The following PDE3A variants were observed in gnomAD, a reference collection of about 807,000 sequenced individuals.
PDE3A encodes cGMP-inhibited 3',5'-cyclic phosphodiesterase 3A.
Under a neutral mutation model 98.3 loss-of-function variants are expected in PDE3A, and 43 were observed. That is an observed-to-expected ratio of 0.44 (90% confidence interval 0.34 to 0.56). PDE3A has a LOEUF of 0.56. Among genes scored for constraint, PDE3A ranks in the 20% least tolerant of loss-of-function variants. PDE3A has a pLI of 0.01. For missense variants in PDE3A, 1,427 were observed against 1,440.7 expected (o/e 0.99, Z 0.15); for synonymous variants, 663 against 567.9 (o/e 1.17, Z -2.38).
At chr12:20,371,651 T>G (rs1301291408) in intron 1 of PDE3A, among the ~76,000 whole-genome samples, 1 of 152,162 alleles carries the variant, frequency 6.6e-6, no homozygotes, top group Admixed American at 6.5e-5. Context: ...GTCTGTTTAT[T>G]TTAAAGCAAA....
In PDE3A at chr12:20,411,825, A is replaced by G. The variant is rs1376087159; in HGVS notation, c.960+41581A>G. Among the ~76,000 whole-genome samples, 3 of 152,144 alleles carry G rather than the reference A, an allele frequency of 2.0e-5. No homozygotes were observed. The South Asian group carries it at 6.2e-4, about 32-fold the overall frequency. Reference sequence around the variant, plus strand: ...GTCCCCGACGTAGTCTATCCCTTCAATGTAATTTCCGAGACCTTTACAATA... The same window carrying G: ...GTCCCCGACGTAGTCTATCCCTTCAGTGTAATTTCCGAGACCTTTACAATA... On this transcript the variant is annotated intron_variant, in intron 1 of 15. Coordinates refer to ENST00000359062, the MANE Select transcript of PDE3A (RefSeq NM_000921.5).
At chr12:20,613,253 A>G (rs1396354350) in intron 2 of PDE3A, among the ~76,000 whole-genome samples, 190 bp from the exon 3 acceptor site, 2 of 152,192 alleles carry the variant, frequency 1.3e-5, no homozygotes, top group Non-Finnish European at 2.9e-5. Flanking sequence ...AAAATGGGCC[A>G]CAAATGCAAA....
chr12:20,520,761 A>G (rs183353583), intron 1 of PDE3A, among the ~76,000 whole-genome samples: 1 of 152,290 alleles, frequency 6.6e-6, no homozygotes, highest in African/African-American at 2.4e-5. Flanking sequence ...CCCTGTGGCA[A>G]AAGGAGGAAT....
chr12:20,415,371 C>A (rs144214843), intron 1 of PDE3A, among the ~76,000 whole-genome samples: 1 of 151,600 alleles, frequency 6.6e-6, no homozygotes. Context: ...TCAGTTCACT[C>A]GGAATAAGCC....
chr12:20,445,430 T>C (rs1022462675), intron 1 of PDE3A, among the ~76,000 whole-genome samples: 1 of 152,204 alleles, frequency 6.6e-6, no homozygotes, highest in Non-Finnish European at 1.5e-5. Context: ...CCAAATACTT[T>C]CTTAACCCTG....
rs548416178 is a variant in PDE3A at position 20,680,765 on chromosome 12, C to G, written c.*494C>G. 6.5e-6 allele frequency: 1 copy of G among 154,134 alleles called. No individual in the cohort carries two copies. Among genetic ancestry groups the G allele is most frequent in the Admixed American group, 6.5e-5 (1 of 15,396 alleles). The allele number at this position is 154,134 out of a possible 1,614,324, so 9.5% of individuals were successfully genotyped here. A position where few individuals can be genotyped will look rare whatever the true frequency, so the allele number is the denominator to read the frequency against. ...GGTTACCAACTAAGCAGCTTTTGCT[C>G]TTAGTACTGAGGGATGAAAGTTCCA... is the stretch of plus-strand genomic sequence containing the variant. On this transcript the variant is annotated 3_prime_UTR_variant, in exon 16 of 16. Coordinates refer to ENST00000359062, the MANE Select transcript of PDE3A (RefSeq NM_000921.5).
chr12:20,655,155 A>C (rs2121520445), intron 15 of PDE3A, among the ~76,000 whole-genome samples: 1 of 152,336 alleles, frequency 6.6e-6, no homozygotes, highest in Admixed American at 6.5e-5. Context: ...ATGCTGAGAA[A>C]TATGAGAGTA....
Position 20,431,149 on chromosome 12 carries a change from G to A in PDE3A, c.960+60905G>A, listed in dbSNP as rs557403846. Among the ~76,000 whole-genome samples, 19 of 152,090 alleles carry A rather than the reference G, an allele frequency of 1.2e-4. No individual in the cohort carries two copies. In the South Asian group the frequency reaches 3.5e-3, roughly 28 times the overall value. Reference sequence around the variant, plus strand: ...ATCAAGTTTACATATTTATGTGTTTGCCATTCTATAATTACGTCTGAAACA... The same window carrying A: ...ATCAAGTTTACATATTTATGTGTTTACCATTCTATAATTACGTCTGAAACA... On this transcript the variant is annotated intron_variant, in intron 1 of 15. Transcript: ENST00000359062.
intron 2 of PDE3A, among the ~76,000 whole-genome samples, chr12:20,606,848 T>G (rs111884222): frequency 0.017 from 2,204 of 126,502 alleles, 54 homozygotes; most frequent in African/African-American, 0.064. Flanking sequence ...ACAAGCTCCA[T>G]CTCAAAAAAA....
In PDE3A at chr12:20,386,020, T is replaced by TATATATAA. The variant is rs1212136484; in HGVS notation, c.960+15783_960+15784insAATATATA. 5.0e-3 allele frequency among the ~76,000 whole-genome samples: 308 copies of TATATATAA among 61,658 alleles called. 3 individuals are homozygous for TATATATAA. Among genetic ancestry groups the TATATATAA allele is most frequent in the African/African-American group, 0.019 (277 of 14,334 alleles). The allele number at this position is 61,658 out of a possible 152,430, so 40.5% of individuals were successfully genotyped here. A position where few individuals can be genotyped will look rare whatever the true frequency, so the allele number is the denominator to read the frequency against. ...AATATATATATAAATATATATAAAA[T>TATATATAA]ATATATATAAATATATATAAAATAT... On this transcript the variant is annotated intron_variant, in intron 1 of 15. Transcript: ENST00000359062.
chr12:20,606,661 C>A (rs1245338112), intron 2 of PDE3A, among the ~76,000 whole-genome samples: 1 of 151,620 alleles, frequency 6.6e-6, no homozygotes, highest in Non-Finnish European at 1.5e-5. Context: ...GAGTTTGAGA[C>A]CAGCCTAACC....
At chr12:20,487,194 A>G (rs2121029809) in intron 1 of PDE3A, among the ~76,000 whole-genome samples, 1 of 152,174 alleles carries the variant, frequency 6.6e-6, no homozygotes, top group South Asian at 2.1e-4. Context: ...GTGTAGAACT[A>G]AAGAATAATT....
At chr12:20,418,174 G>C (rs1251419647) in intron 1 of PDE3A, among the ~76,000 whole-genome samples, 1 of 152,164 alleles carries the variant, frequency 6.6e-6, no homozygotes, top group Non-Finnish European at 1.5e-5. Flanking sequence ...TAGTCCTTGG[G>C]TGTGATAAAG....
intron 2 of PDE3A, among the ~76,000 whole-genome samples, chr12:20,600,221 G>A (rs1943557385): frequency 6.6e-6 from 1 of 152,130 alleles, no homozygotes; most frequent in Non-Finnish European, 1.5e-5. Context: ...CAGTTCAGAA[G>A]TCTCTCCTAA....
At chr12:20,493,553 A>G (rs1226069322) in intron 1 of PDE3A, among the ~76,000 whole-genome samples, 1 of 152,170 alleles carries the variant, frequency 6.6e-6, no homozygotes, top group African/African-American at 2.4e-5. Flanking sequence ...ATGTACATAT[A>G]CAGACACACA....
At chr12:20,676,603 C>T (rs1476032597) in intron 15 of PDE3A, among the ~76,000 whole-genome samples, 1 of 151,182 alleles carries the variant, frequency 6.6e-6, no homozygotes, top group African/African-American at 2.4e-5. Context: ...GGGTTCACAC[C>T]ATTCTCCTGC....
At chr12:20,554,373 T>A (rs12302534) in intron 1 of PDE3A, among the ~76,000 whole-genome samples, 4,379 of 149,374 alleles carry the variant, frequency 0.029, 214 homozygotes, top group African/African-American at 0.1. Context: ...AAAAAAAAAA[T>A]AAAAAAAATA....
chr12:20,666,155 G>A (rs1181971578), intron 15 of PDE3A, among the ~76,000 whole-genome samples: 4 of 151,578 alleles, frequency 2.6e-5, no homozygotes, highest in South Asian at 4.2e-4. Flanking sequence ...AGTAGAGATG[G>A]GGTTTCACCA....
chr12:20,471,735 C>A (rs897363967), intron 1 of PDE3A, among the ~76,000 whole-genome samples: 2 of 152,146 alleles, frequency 1.3e-5, no homozygotes, highest in Non-Finnish European at 2.9e-5. Context: ...TAAAACTCCA[C>A]ATTTCAAAGA....
Sources: allele counts gnomAD v4.1 joint callset (sites outside exome capture counted in the v4.1 genomes callset), GRCh38; gene constraint gnomAD v4.1.1; transcripts MANE v1.5; gene names NCBI Gene and HGNC (gene_info 2026-07-23, HGNC 2026-07-21).